The following YWHAE variants were observed in gnomAD, a reference collection of about 807,000 sequenced individuals.
YWHAE encodes 14-3-3 protein epsilon.
A neutral mutation model predicts 30.1 loss-of-function variants in YWHAE; 4 were observed. The ratio of observed to expected loss-of-function variants is 0.13; its 90% CI spans 0.07 to 0.30. YWHAE has a LOEUF of 0.30. YWHAE is among the 10% of genes least tolerant of loss of function. The probability of loss-of-function intolerance (pLI) is 1.00; values close to 1 mark genes in which losing one functional copy is unlikely to be tolerated. For missense variants in YWHAE, 121 were observed against 315.9 expected (o/e 0.38, Z 4.68); for synonymous variants, 118 against 111.8 (o/e 1.06, Z -0.35).
chr17:1,346,471 T>C (rs1397812726), intron 5 of YWHAE, among the ~76,000 whole-genome samples: 2 of 152,228 alleles, frequency 1.3e-5, no homozygotes, highest in African/African-American at 4.8e-5. Flanking sequence ...ATTATTTAAT[T>C]AGGATGGACA....
chr17:1,366,759 A>G (rs1017788080), intron 1 of YWHAE, among the ~76,000 whole-genome samples: 9 of 152,002 alleles, frequency 5.9e-5, no homozygotes, highest in African/African-American at 2.2e-4. Flanking sequence ...CCTGGCCAAC[A>G]TGGTGAAACC....
intron 1 of YWHAE, among the ~76,000 whole-genome samples, chr17:1,376,270 T>A (rs531503133): frequency 6.6e-6 from 1 of 152,184 alleles, no homozygotes; most frequent in African/African-American, 2.4e-5. Flanking sequence ...AAGTTTCACA[T>A]ACTAAAATGT....
chr17:1,388,073 G>C (rs1229586949), intron 1 of YWHAE, among the ~76,000 whole-genome samples: 9 of 141,762 alleles, frequency 6.3e-5, no homozygotes, highest in Non-Finnish European at 1.2e-4. Flanking sequence ...TTACAGGCAC[G>C]TGCCACCACC....
At chr17:1,389,160 C>T (rs1047108371) in intron 1 of YWHAE, among the ~76,000 whole-genome samples, 1 of 152,186 alleles carries the variant, frequency 6.6e-6, no homozygotes, top group Non-Finnish European at 1.5e-5. Flanking sequence ...GAAACAGGGT[C>T]TCACTATGTT....
Position 1,393,163 on chromosome 17 carries a change from TAAATAA to T in YWHAE, c.64+6878_64+6883del, listed in dbSNP as rs1254302283. Reference sequence around the variant, plus strand: ...ATAAATAAATAAATAAATAAATAAATAAATAAATAAAATTTAAAAACATACAAACAA... The same window carrying T: ...ATAAATAAATAAATAAATAAATAAATATAAAATTTAAAAACATACAAACAA... On this transcript the variant is annotated intron_variant, in intron 1 of 5. Coordinates refer to ENST00000264335, the MANE Select transcript of YWHAE (RefSeq NM_006761.5). Among the ~76,000 whole-genome samples, 51 of 145,430 alleles carry T rather than the reference TAAATAA, an allele frequency of 3.5e-4. No individual in the cohort carries two copies. In the South Asian group the frequency reaches 0.01, roughly 29 times the overall value.
At chr17:1,368,622 G>A (rs1015324493) in intron 1 of YWHAE, among the ~76,000 whole-genome samples, 2 of 150,998 alleles carry the variant, frequency 1.3e-5, no homozygotes, top group Admixed American at 1.3e-4. Flanking sequence ...TAATTCATTT[G>A]TAGGAGTCTG....
chr17:1,374,465 G>A (rs1046186250), intron 1 of YWHAE, among the ~76,000 whole-genome samples: 1 of 152,112 alleles, frequency 6.6e-6, no homozygotes, highest in East Asian at 1.9e-4. Context: ...CACCTAGAAG[G>A]AACTTCAGGA....
At position 1,362,144 on chromosome 17, in the gene YWHAE, CCTT is replaced by C. The variant is rs1420936190; in HGVS notation, c.265-139_265-137del. The C allele has an allele frequency of 9.1e-6, 5 of 550,886 alleles. No homozygotes were observed. The South Asian group carries it at 1.2e-4, about 14-fold the overall frequency. 34.1% of individuals were successfully genotyped at this position (550,886 alleles called of 1,614,324 possible). On this transcript the variant is annotated intron_variant, in intron 2 of 5. Transcript: ENST00000264335. ...GTATCCCTCTCCAAACTCCCTTCTTCCTTCTTGACACAAAAGCAGAGAAAAGCT... is the reference window on the plus strand; with the variant it reads ...GTATCCCTCTCCAAACTCCCTTCTTCCTTGACACAAAAGCAGAGAAAAGCT...
At chr17:1,366,017 A>C (rs34105317) in intron 1 of YWHAE, among the ~76,000 whole-genome samples, 37,043 of 151,832 alleles carry the variant, frequency 0.24, 5,308 homozygotes, top group African/African-American at 0.39. Context: ...AGAGATAAAG[A>C]CTATCCTGGC....
intron 1 of YWHAE, among the ~76,000 whole-genome samples, chr17:1,383,108 T>C (rs2073241103): frequency 6.6e-6 from 1 of 151,192 alleles, no homozygotes; most frequent in Non-Finnish European, 1.5e-5. Flanking sequence ...CCCAGCACTT[T>C]GGGAGGCCGA....
At chr17:1,355,115 TTAAAAAA>T (rs1219952019) in intron 4 of YWHAE, among the ~76,000 whole-genome samples, 1,464 of 72,372 alleles carry the variant, frequency 0.02, 68 homozygotes, top group East Asian at 0.067. Flanking sequence ...CCAAGATTTT[TTAAAAAA>T]AAAAAAAAAA....
intron 1 of YWHAE, among the ~76,000 whole-genome samples, chr17:1,390,817 G>A (rs1239391792): frequency 3.3e-5 from 5 of 152,114 alleles, no homozygotes; most frequent in African/African-American, 9.7e-5. Context: ...CAACAGATCC[G>A]TCCAGCTACT....
chr17:1,349,466 T>G (rs1432562836), intron 5 of YWHAE, among the ~76,000 whole-genome samples: 1 of 152,206 alleles, frequency 6.6e-6, no homozygotes, highest in Non-Finnish European at 1.5e-5. Context: ...CCTGAATTTT[T>G]CACTGTTGAA....
intron 5 of YWHAE, among the ~76,000 whole-genome samples, chr17:1,352,523 T>A (rs1249547119): frequency 6.6e-6 from 1 of 150,624 alleles, no homozygotes. Flanking sequence ...CTAAGAAACG[T>A]TATCTCTTTT....
At chr17:1,356,375 A>G (rs1368114431) in intron 4 of YWHAE, among the ~76,000 whole-genome samples, 2 of 152,202 alleles carry the variant, frequency 1.3e-5, no homozygotes, top group African/African-American at 4.8e-5. Flanking sequence ...AAAGAAGAAG[A>G]AGAATGAAGT....
At chr17:1,350,927 C>T (rs973014511) in intron 5 of YWHAE, among the ~76,000 whole-genome samples, 7 of 149,724 alleles carry the variant, frequency 4.7e-5, no homozygotes, top group Admixed American at 2.7e-4. Flanking sequence ...GGTATGGTGG[C>T]GCACGCCTGT....
At chr17:1,378,138 G>A (rs1336413771) in intron 1 of YWHAE, among the ~76,000 whole-genome samples, 1 of 152,230 alleles carries the variant, frequency 6.6e-6, no homozygotes, top group Non-Finnish European at 1.5e-5. Context: ...TACTTACTAA[G>A]AAATTTACCT....
chr17:1,346,369 TAC>T (rs2072516006), intron 5 of YWHAE, among the ~76,000 whole-genome samples: 1 of 152,336 alleles, frequency 6.6e-6, no homozygotes, highest in East Asian at 1.9e-4. Context: ...TTACAATTAC[TAC>T]ACAGTTAACT....
At chr17:1,386,106 T>C (rs1179383455) in intron 1 of YWHAE, among the ~76,000 whole-genome samples, 4 of 152,176 alleles carry the variant, frequency 2.6e-5, no homozygotes, top group African/African-American at 7.2e-5. Flanking sequence ...GGGTAGTACT[T>C]TGCATGGCTG....
Sources: allele counts gnomAD v4.1 joint callset (sites outside exome capture counted in the v4.1 genomes callset), GRCh38; gene constraint gnomAD v4.1.1; transcripts MANE v1.5; gene names NCBI Gene and HGNC (gene_info 2026-07-23, HGNC 2026-07-21).